RBCK1: variants seen among roughly 807,000 people sequenced by gnomAD.
RBCK1 encodes the protein RANBP2-type and C3HC4-type zinc finger containing 1.
Under a neutral mutation model 71.1 loss-of-function variants are expected in RBCK1, and 44 were observed. That is an observed-to-expected ratio of 0.62 (90% confidence interval 0.49 to 0.80). RBCK1 has a LOEUF of 0.80. RBCK1 is among the 30% of genes least tolerant of loss of function. The pLI is 0.00. For missense variants in RBCK1, 569 were observed against 685.0 expected, an observed-to-expected ratio of 0.83 and a Z score of 1.89; for synonymous variants, 306 against 279.7, an observed-to-expected ratio of 1.09 and a Z score of -0.94.
At position 431,539 on chromosome 20, in the gene RBCK1, A is replaced by G. The variant is rs2017014760; in HGVS notation, c.*1109A>G. 6.6e-6 allele frequency among the ~76,000 whole-genome samples: 1 copy of G among 152,116 alleles called. No homozygotes were observed. The highest frequency in any genetic ancestry group is 2.1e-4 in the South Asian group (1 of 4,830). ...TGAGATCTGGTATTTGATGCCCAAC[A>G]CATTGTCCACGCTGTGACGTGACCA... On this transcript the variant is annotated 3_prime_UTR_variant, in exon 12 of 12. Coordinates refer to ENST00000356286, the MANE Select transcript of RBCK1 (RefSeq NM_031229.4). The surrounding 1 kb of genome is among the most constrained non-coding windows in gnomAD (Gnocchi z 4.8).
rs1286513159 is a variant in RBCK1 at position 423,263 on chromosome 20, C to T, written c.1029+1025C>T. Reference sequence around the variant, plus strand: ...GTGGTGAACTGAGATCGCGCCATTGCACTCCAGCCTGGGCAACCAGAGCGA... The same window carrying T: ...GTGGTGAACTGAGATCGCGCCATTGTACTCCAGCCTGGGCAACCAGAGCGA... On this transcript the variant is annotated intron_variant, in intron 8 of 11. Coordinates refer to ENST00000356286, the MANE Select transcript of RBCK1 (RefSeq NM_031229.4). Among the ~76,000 whole-genome samples the T allele has an allele frequency of 2.6e-5, 4 of 152,210 alleles. No homozygotes were observed. In the East Asian group the frequency reaches 7.7e-4, roughly 29 times the overall value.
Position 422,066 on chromosome 20 carries a change from A to G in RBCK1, c.918-61A>G, listed in dbSNP as rs2057251. The stretch of plus-strand genomic sequence containing the variant: ...GGGGTCAGGCCTTGCCATGTGAGGG[A>G]TGGAGTCCCCAGTGAAGGGGGTTCC... On this transcript the variant is annotated intron_variant, in intron 7 of 11. Transcript: ENST00000356286. This position sits in a 1 kb window ranked among gnomAD's most constrained non-coding sequence, Gnocchi z 5.0. The G allele has an allele frequency of 0.69, 935,703 of 1,359,330 alleles. 325,543 individuals are homozygous for G. Among genetic ancestry groups the G allele is most frequent in the African/African-American group, 0.78 (54,795 of 70,242 alleles). 84.2% of individuals were successfully genotyped at this position (1,359,330 alleles called of 1,614,324 possible).
chr20:428,636 T>A lies in RBCK1; in HGVS notation c.1308+47T>A. On this transcript the variant is annotated intron_variant, in intron 10 of 11. Coordinates refer to ENST00000356286, the MANE Select transcript of RBCK1 (RefSeq NM_031229.4). This position sits in a 1 kb window ranked among gnomAD's most constrained non-coding sequence, Gnocchi z 5.7. ...GGCCTAGGGATTTTAAGTTCTGGGA[T>A]CCAGGTGGGGGCTGGGGGCTTCCCA... is the stretch of plus-strand genomic sequence containing the variant. 6.5e-7 allele frequency: 1 copy of A among 1,546,898 alleles called. No individual in the cohort carries two copies. Among genetic ancestry groups the A allele is most frequent in the South Asian group, 1.2e-5 (1 of 82,554 alleles).
intron 2 of RBCK1, chr20:410,667 C>T (rs1310479810): frequency 5.7e-6 from 4 of 696,064 alleles, no homozygotes; most frequent in African/African-American, 3.5e-5. Flanking sequence ...TGGATACTGT[C>T]GGTCTGTGCT....
intron 2 of RBCK1, among the ~76,000 whole-genome samples, chr20:411,796 C>T (rs2015726772): frequency 6.6e-6 from 1 of 152,230 alleles, no homozygotes; most frequent in Non-Finnish European, 1.5e-5. Context: ...CAGGTGTGAG[C>T]CACCATGCCC....
chr20:419,889 A>T, intron 6 of RBCK1, 158 bp downstream of exon 6: 1 of 576,132 alleles, frequency 1.7e-6, no homozygotes, highest in Non-Finnish European at 2.3e-6. Context: ...GTGACCCTGC[A>T]CCTGGCTGTG....
chr20:419,298 G>A, intron 4 of RBCK1, 49 bp from the exon 5 acceptor site: 1 of 1,609,566 alleles, frequency 6.2e-7, no homozygotes, highest in East Asian at 2.2e-5. Flanking sequence ...CCATGGGTGT[G>A]GACCAAGTGG....
At position 417,365 on chromosome 20, in the gene RBCK1, G is replaced by A. The variant is rs751414000; in HGVS notation, c.168-161G>A. 1 of 758,172 alleles carries A rather than the reference G, an allele frequency of 1.3e-6. No homozygotes were observed. Among genetic ancestry groups the A allele is most frequent in the Middle Eastern group, 2.7e-4 (1 of 3,710 alleles). The allele number at this position is 758,172 out of a possible 1,614,324, so 47.0% of individuals were successfully genotyped here. A position where few individuals can be genotyped will look rare whatever the true frequency, so the allele number is the denominator to read the frequency against. On this transcript the variant is annotated intron_variant, in intron 2 of 11. Transcript: ENST00000356286. This position sits in a 1 kb window ranked among gnomAD's most constrained non-coding sequence, Gnocchi z 4.7. ...CTGGTGGGTTCTAATAAAGGAAGAAGCATGGGTGGGGCCTACCCCAGACTG... is the reference window on the plus strand; with the variant it reads ...CTGGTGGGTTCTAATAAAGGAAGAAACATGGGTGGGGCCTACCCCAGACTG...
At chr20:424,905 C>G (rs2016624644) in intron 8 of RBCK1, among the ~76,000 whole-genome samples, 1 of 152,198 alleles carries the variant, frequency 6.6e-6, no homozygotes, top group Non-Finnish European at 1.5e-5. Context: ...AAATATGCCT[C>G]ACCACATAGA....
At chr20:413,059 C>G (rs944300182) in intron 2 of RBCK1, among the ~76,000 whole-genome samples, 3 of 152,120 alleles carry the variant, frequency 2.0e-5, no homozygotes, top group African/African-American at 7.2e-5. Flanking sequence ...TCTGTTTAAT[C>G]ATCTTAACCC....
intron 6 of RBCK1, chr20:420,333 C>T (rs748703915): frequency 1.7e-4 from 171 of 984,982 alleles, no homozygotes; most frequent in Non-Finnish European, 1.9e-4. Context: ...CATTGATCCC[C>T]GAGTGCTCCC....
chr20:421,090 G>A, intron 7 of RBCK1, 59 bp downstream of exon 7: 1 of 1,474,458 alleles, frequency 6.8e-7, no homozygotes, highest in Non-Finnish European at 9.0e-7. Context: ...CAATTACGCA[G>A]GGCTGGACGT....
chr20:420,141 G>A (rs1205213181), intron 6 of RBCK1: 1 of 984,700 alleles, frequency 1.0e-6, no homozygotes, highest in East Asian at 1.1e-4. Context: ...GCTCCACCTC[G>A]CCGTGACCTC....
At chr20:429,458 G>A (rs779609253) in intron 11 of RBCK1, among the ~76,000 whole-genome samples, 4 of 152,028 alleles carry the variant, frequency 2.6e-5, no homozygotes, top group South Asian at 2.1e-4. Context: ...ATTCCCGACC[G>A]CAGGTGATCC....
intron 8 of RBCK1, among the ~76,000 whole-genome samples, chr20:426,666 C>T (rs1282171882): frequency 6.6e-6 from 1 of 152,092 alleles, no homozygotes; most frequent in Admixed American, 6.6e-5. Context: ...AGAAAATAGA[C>T]ATAACATTTA....
rs772386160 is a variant in RBCK1 at position 429,124 on chromosome 20, G to C, written c.1452+30G>C. The stretch of plus-strand genomic sequence containing the variant: ...GTCTTTGCTCGTGGTGGTGTGGAGA[G>C]GGTGCCCTTGTGGGCTTTGCCTTAG... On this transcript the variant is annotated intron_variant, in intron 11 of 11. Transcript: ENST00000356286. 4 of 1,593,604 alleles carry C rather than the reference G, an allele frequency of 2.5e-6. No individual in the cohort carries two copies. The South Asian group carries it at 4.5e-5, about 18-fold the overall frequency.
chr20:429,786 G>A (rs1006414041), intron 11 of RBCK1, among the ~76,000 whole-genome samples: 17 of 152,296 alleles, frequency 1.1e-4, no homozygotes, highest in African/African-American at 3.4e-4. Context: ...GTAAAGGTTC[G>A]ATCTGGAGTC....
In RBCK1 at chr20:408,468, C is replaced by T; in HGVS notation, c.-290C>T. The T allele has an allele frequency of 1.9e-6, 1 of 530,038 alleles. No individual in the cohort carries two copies. Among genetic ancestry groups the T allele is most frequent in the East Asian group, 3.5e-5 (1 of 28,614 alleles). 32.8% of individuals were successfully genotyped at this position (530,038 alleles called of 1,614,324 possible). On this transcript the variant is annotated 5_prime_UTR_variant, in exon 1 of 12. Coordinates refer to ENST00000356286, the MANE Select transcript of RBCK1 (RefSeq NM_031229.4). ...GGGTGGTGTCCGGGCGTCCTTTCCC[C>T]GCTTCTTCCCACCTCGGCTGGTCCC...
chr20:429,320 G>A (rs952707973), intron 11 of RBCK1, among the ~76,000 whole-genome samples: 4 of 151,564 alleles, frequency 2.6e-5, no homozygotes, highest in Non-Finnish European at 5.9e-5. Context: ...TCTGCCTTCC[G>A]GGTTCAAGCA....
Sources: gnomAD v4.1 joint callset for allele counts (sites outside exome capture counted in the v4.1 genomes callset) on GRCh38, gnomAD v4.1.1 for gene constraint, Gnocchi (gnomAD v3.1) non-coding constraint, MANE v1.5 for transcripts, NCBI Gene and HGNC (gene_info 2026-07-23, HGNC 2026-07-21) for gene names.